KCNV2: variants seen among roughly 807,000 people sequenced by gnomAD.
The protein encoded by KCNV2 is potassium voltage-gated channel modifier subfamily V member 2.
Under a neutral mutation model 37.0 loss-of-function variants are expected in KCNV2, and 65 were observed. That is an observed-to-expected ratio of 1.76 (90% CI 1.44 to 2.16). KCNV2 has a LOEUF of 2.16. Ranked by LOEUF, KCNV2 falls within the 30% of genes most tolerant of loss-of-function variation. The pLI is 0.00. For synonymous variants in KCNV2, 518 were observed against 328.6 expected, an observed-to-expected ratio of 1.58 and a Z score of -6.23; for missense variants, 1,232 against 766.7, an observed-to-expected ratio of 1.61 and a Z score of -7.17.
Position 2,719,019 on chromosome 9 carries a change from C to A in KCNV2, c.1280C>A (p.Ala427Glu), listed in dbSNP as rs201361335. The A allele has an allele frequency of 2.5e-6, 4 of 1,612,888 alleles. No individual in the cohort carries two copies. The highest frequency in any genetic ancestry group is 3.4e-6 in the Non-Finnish European group (4 of 1,180,028). ...GCCATGGGCATCTTCACTTTCTCTGCGGCTGTCTACTCTGTGGAGCACGAT... is the reference window on the plus strand; with the variant it reads ...GCCATGGGCATCTTCACTTTCTCTGAGGCTGTCTACTCTGTGGAGCACGAT... Reference protein sequence around the residue: ...FIAMGIFTFSAAVYSVEHDVP... With the variant: ...FIAMGIFTFSEAVYSVEHDVP... Residue 427 changes from alanine to glutamate, a missense_variant, in exon 1 of 2, where the codon GCG (alanine) becomes GAG (glutamate). Coordinates refer to ENST00000382082, the MANE Select transcript of KCNV2 (RefSeq NM_133497.4).
rs1325763423 is a variant in KCNV2 at position 2,717,587 on chromosome 9, G to A, written c.-153G>A. On this transcript the variant is annotated 5_prime_UTR_variant, in exon 1 of 2. Transcript: ENST00000382082. ...CCAGGACCTGAGAAGGGGCAGCTCC[G>A]GTGGCAATGTCTGAGCCCCTAGCTG... 7 of 928,506 alleles carry A rather than the reference G, an allele frequency of 7.5e-6. No homozygotes were observed. Among genetic ancestry groups the A allele is most frequent in the South Asian group, 4.5e-5 (3 of 66,624 alleles). The allele number at this position is 928,506 out of a possible 1,614,324, so 57.5% of individuals were successfully genotyped here. A position where few individuals can be genotyped will look rare whatever the true frequency, so the allele number is the denominator to read the frequency against.
Position 2,718,343 on chromosome 9 carries a change from T to C in KCNV2, c.604T>C (p.Cys202Arg). Residue 202 changes from cysteine to arginine, a missense_variant, in exon 1 of 2, where the codon TGC becomes CGC. Cys to Arg is a radical substitution (Grantham distance 180). Coordinates refer to ENST00000382082, the MANE Select transcript of KCNV2 (RefSeq NM_133497.4). ...GTACACGCCACGCTGCTGCCGCATC[T>C]GCTTCGAGGAGCGGCGCGACGAGCT... is the stretch of plus-strand genomic sequence containing the variant. The part of the protein sequence containing the change: ...LKYTPRCCRI[C>R]FEERRDELSE... 2 of 1,602,974 alleles carry C rather than the reference T, an allele frequency of 1.2e-6. No homozygotes were observed. Among genetic ancestry groups the C allele is most frequent in the East Asian group, 2.2e-5 (1 of 44,526 alleles).
At chr9:2,729,364 G>A (rs563893277) in intron 1 of KCNV2, 82 bp from the exon 2 acceptor site, 25 of 1,494,186 alleles carry the variant, frequency 1.7e-5, no homozygotes, top group East Asian at 6.8e-5. Flanking sequence ...CAGGGAGGAC[G>A]CTTCCCTGCT....
At chr9:2,723,949 GT>G (rs35443796) in intron 1 of KCNV2, among the ~76,000 whole-genome samples, 3 of 145,860 alleles carry the variant, frequency 2.1e-5, no homozygotes, top group South Asian at 4.4e-4. Flanking sequence ...TGTGGGTATG[GT>G]TTTTTTCTTT....
chr9:2,729,725 T>G lies in KCNV2; in HGVS notation c.1636T>G (p.Ter546GluextTer60), dbSNP rs1820036621. ...NPQLTPRQEN[*>E] ...ACAGCTCACCCCAAGACAAGAGAAT[T>G]AGTATTTTATAGGACATGTGGCTGG... The change falls in exon 2 of 2, where the codon TAG (stop) becomes GAG (glutamate). Residue 546 changes from the stop codon to glutamate, a stop_lost. Transcript: ENST00000382082. 2 of 1,613,830 alleles carry G rather than the reference T, an allele frequency of 1.2e-6. No individual in the cohort carries two copies. Among genetic ancestry groups the G allele is most frequent in the African/African-American group, 2.7e-5 (2 of 74,900 alleles).
intron 1 of KCNV2, among the ~76,000 whole-genome samples, chr9:2,720,218 T>G (rs1177440619): frequency 6.6e-6 from 1 of 152,230 alleles, no homozygotes; most frequent in Non-Finnish European, 1.5e-5. Context: ...CCACTGACAG[T>G]GCAATGCAGC....
rs1240612092 is a variant in KCNV2 at position 2,717,818 on chromosome 9, C to A, written c.79C>A (p.Arg27Ser). 6.2e-7 allele frequency: 1 copy of A among 1,614,098 alleles called. No homozygotes were observed. The highest frequency in any genetic ancestry group is 1.3e-5 in the African/African-American group (1 of 74,938). The part of the protein sequence containing the change: ...NTTENEGSQH[R>S]RSICSLGARS... ...GACGGAGAATGAGGGCAGCCAACACCGCAGGAGCATTTGCTCCCTGGGTGC... is the reference window on the plus strand; with the variant it reads ...GACGGAGAATGAGGGCAGCCAACACAGCAGGAGCATTTGCTCCCTGGGTGC... Residue 27 changes from arginine (R) to serine (S), a missense_variant, in exon 1 of 2, where the codon CGC (arginine) becomes AGC (serine). Coordinates refer to ENST00000382082, the MANE Select transcript of KCNV2 (RefSeq NM_133497.4).
In KCNV2 at chr9:2,718,057, C is replaced by A. The variant is rs773664901; in HGVS notation, c.318C>A (p.His106Gln). Residue 106 changes from histidine to glutamine, a missense_variant, in exon 1 of 2, where the codon CAC (histidine) becomes CAA (glutamine). His to Gln is a conservative substitution (Grantham distance 24, BLOSUM62 0). Coordinates refer to ENST00000382082, the MANE Select transcript of KCNV2 (RefSeq NM_133497.4). The stretch of plus-strand genomic sequence containing the variant: ...CGCTGAATGTGAACGTGGGTGGCCA[C>A]AGCTACCAGCTGGACTACTGCGAGC... ...LSTLNVNVGGHSYQLDYCELA... is the reference protein window; with the variant it reads ...LSTLNVNVGGQSYQLDYCELA... The A allele has an allele frequency of 1.9e-6, 3 of 1,607,320 alleles. No homozygotes were observed. Among genetic ancestry groups the A allele is most frequent in the South Asian group, 1.1e-5 (1 of 90,342 alleles).
At chr9:2,719,600 C>T (rs1378159798) in intron 1 of KCNV2, among the ~76,000 whole-genome samples, 3 of 152,194 alleles carry the variant, frequency 2.0e-5, no homozygotes, top group Non-Finnish European at 4.4e-5. Context: ...CCTCTGGTTC[C>T]ACTTAAATCT....
At position 2,717,987 on chromosome 9, in the gene KCNV2, C is replaced by A; in HGVS notation, c.248C>A (p.Thr83Asn). 1 of 1,614,146 alleles carries A rather than the reference C, an allele frequency of 6.2e-7. No homozygotes were observed. Among genetic ancestry groups the A allele is most frequent in the South Asian group, 1.1e-5 (1 of 91,082 alleles). The change falls in exon 1 of 2, where the codon ACC becomes AAC. Residue 83 changes from threonine to asparagine, a missense_variant. Thr to Asn is a moderately conservative substitution (Grantham distance 65, BLOSUM62 0). Coordinates refer to ENST00000382082, the MANE Select transcript of KCNV2 (RefSeq NM_133497.4). Reference sequence around the variant, plus strand: ...GACCAGCAGGCAGGGGAGGTCACCACCGCCAAGCCCGAGGGCCCCAGCGAC... The same window carrying A: ...GACCAGCAGGCAGGGGAGGTCACCAACGCCAAGCCCGAGGGCCCCAGCGAC... ...EEDQQAGEVT[T>N]AKPEGPSDPP...
In KCNV2 at chr9:2,729,641, G is replaced by T. The variant is rs2130869457; in HGVS notation, c.1552G>T (p.Val518Leu). ...CACCATACGCAGGGAGAGGGGAGAG[G>T]TGAACTTCATGCAGAGAGCCAGAAA... ...YTTIRRERGE[V>L]NFMQRARKKI... Residue 518 changes from valine (V) to leucine (L), a missense_variant, in exon 2 of 2, where the codon GTG becomes TTG. Coordinates refer to ENST00000382082, the MANE Select transcript of KCNV2 (RefSeq NM_133497.4). 11 of 1,614,092 alleles carry T rather than the reference G, an allele frequency of 6.8e-6. No individual in the cohort carries two copies. Among genetic ancestry groups the T allele is most frequent in the Non-Finnish European group, 9.3e-6 (11 of 1,180,010 alleles).
intron 1 of KCNV2, among the ~76,000 whole-genome samples, 190 bp downstream of exon 1, chr9:2,719,285 G>C (rs1005571967): frequency 1.6e-4 from 24 of 152,138 alleles, no homozygotes; most frequent in African/African-American, 5.6e-4. Context: ...CAGCAGATCA[G>C]TAAGTAAGTG....
chr9:2,721,140 T>C (rs1173719342), intron 1 of KCNV2, among the ~76,000 whole-genome samples: 1 of 152,224 alleles, frequency 6.6e-6, no homozygotes, highest in Non-Finnish European at 1.5e-5. Context: ...CCATTATCTC[T>C]ATCAGCCACT....
chr9:2,718,165 C>G lies in KCNV2; in HGVS notation c.426C>G (p.Tyr142Ter). ...RSRQLSLCDD[Y>*]EEQTDEYFFD... Reference sequence around the variant, plus strand: ...GCCAGCTAAGCCTGTGCGACGACTACGAGGAGCAGACAGACGAATACTTCT... The same window carrying G: ...GCCAGCTAAGCCTGTGCGACGACTAGGAGGAGCAGACAGACGAATACTTCT... The change falls in exon 1 of 2, where the codon TAC (tyrosine) becomes TAG (stop). Residue 142 changes from tyrosine to a stop codon, truncating the protein, a stop_gained. Coordinates refer to ENST00000382082, the MANE Select transcript of KCNV2 (RefSeq NM_133497.4). LOFTEE classifies it high-confidence loss of function. The G allele has an allele frequency of 6.2e-7, 1 of 1,612,808 alleles. No homozygotes were observed. The highest frequency in any genetic ancestry group is 8.5e-7 in the Non-Finnish European group (1 of 1,179,554).
intron 1 of KCNV2, among the ~76,000 whole-genome samples, chr9:2,720,060 G>A (rs1819838297): frequency 6.6e-6 from 1 of 152,222 alleles, no homozygotes; most frequent in Non-Finnish European, 1.5e-5. Flanking sequence ...GGTTTCCTTA[G>A]TTTTCTTTTG....
intron 1 of KCNV2, chr9:2,720,415 C>G (rs1819845165): frequency 6.6e-6 from 1 of 152,158 alleles, no homozygotes; most frequent in Admixed American, 6.5e-5. Flanking sequence ...AAGCAGGGAG[C>G]TCATATGTAT....
At chr9:2,719,182 T>A in intron 1 of KCNV2, 87 bp downstream of exon 1, 1 of 1,484,672 alleles carries the variant, frequency 6.7e-7, no homozygotes, top group Non-Finnish European at 9.2e-7. Flanking sequence ...CCACCAGGCT[T>A]TGGCTTCTGA....
At position 2,718,340 on chromosome 9, in the gene KCNV2, A is replaced by G. The variant is rs775332723; in HGVS notation, c.601A>G (p.Ile201Val). 4 of 1,603,094 alleles carry G rather than the reference A, an allele frequency of 2.5e-6. No individual in the cohort carries two copies. Among genetic ancestry groups the G allele is most frequent in the African/African-American group, 2.7e-5 (2 of 74,884 alleles). The change falls in exon 1 of 2, where the codon ATC (isoleucine) becomes GTC (valine). Residue 201 changes from isoleucine (I) to valine (V), a missense_variant. Transcript: ENST00000382082. ...RLKYTPRCCR[I>V]CFEERRDELS... ...CAAGTACACGCCACGCTGCTGCCGC[A>G]TCTGCTTCGAGGAGCGGCGCGACGA...
intron 1 of KCNV2, among the ~76,000 whole-genome samples, chr9:2,720,751 C>T (rs1282821191): frequency 6.6e-6 from 1 of 152,204 alleles, no homozygotes; most frequent in East Asian, 1.9e-4. Flanking sequence ...TCTGATACTA[C>T]AGTTTGAACC....
Sources: allele counts gnomAD v4.1 joint callset (sites outside exome capture counted in the v4.1 genomes callset), GRCh38; gene constraint gnomAD v4.1.1; transcripts MANE v1.5; gene names NCBI Gene and HGNC (gene_info 2026-07-23, HGNC 2026-07-21).